ZNF485: variants seen among roughly 807,000 people sequenced by gnomAD.
The protein encoded by ZNF485 is zinc finger protein 485.
Under a neutral mutation model 10.8 loss-of-function variants are expected in ZNF485, and 9 were observed. The observed-to-expected ratio is 0.83, with a 90% CI of 0.50 to 1.45. ZNF485 has a LOEUF of 1.45. Ranked by LOEUF, ZNF485 falls within the 40% of genes most tolerant of loss-of-function variation. ZNF485 has a pLI of 0.00. For synonymous variants in ZNF485, 187 were observed against 181.0 expected, an observed-to-expected ratio of 1.03 and a Z score of -0.27; for missense variants, 487 against 528.0, an observed-to-expected ratio of 0.92 and a Z score of 0.76.
chr10:43,612,708 TCTTA>T (rs1264344140), intron 4 of ZNF485, among the ~76,000 whole-genome samples: 1 of 152,204 alleles, frequency 6.6e-6, no homozygotes, highest in African/African-American at 2.4e-5. Flanking sequence ...TTCCCTGATT[TCTTA>T]CTTTGTCTTT....
At chr10:43,615,731 A>G (rs1035157579) in intron 4 of ZNF485, among the ~76,000 whole-genome samples, 1 of 152,148 alleles carries the variant, frequency 6.6e-6, no homozygotes, top group African/African-American at 2.4e-5. Context: ...ATATGTTAAA[A>G]ATTTAGTTTA....
chr10:43,616,969 A>G lies in ZNF485; in HGVS notation c.926A>G (p.Lys309Arg). The change falls in exon 5 of 5, where the codon AAG (lysine) becomes AGG (arginine). Residue 309 changes from lysine (K) to arginine (R), a missense_variant. Coordinates refer to ENST00000361807, the MANE Select transcript of ZNF485 (RefSeq NM_145312.4). Reference sequence around the variant, plus strand: ...AATGAATGTGGAAAAGCCTTTAGGAAGAGCTCAACTCTTATTAGTCACCAA... The same window carrying G: ...AATGAATGTGGAAAAGCCTTTAGGAGGAGCTCAACTCTTATTAGTCACCAA... The part of the protein sequence containing the change: ...QCNECGKAFR[K>R]SSTLISHQRM... 1 of 1,614,164 alleles carries G rather than the reference A, an allele frequency of 6.2e-7. No individual in the cohort carries two copies. Among genetic ancestry groups the G allele is most frequent in the African/African-American group, 1.3e-5 (1 of 75,066 alleles).
intron 2 of ZNF485, chr10:43,607,488 C>T (rs116556970): frequency 2.9e-4 from 54 of 186,740 alleles, no homozygotes; most frequent in African/African-American, 1.2e-3. Flanking sequence ...TAGGGGAAAG[C>T]GCTGCCTGAA....
rs1838890058 is a variant in ZNF485 at position 43,617,557 on chromosome 10, T to C, written c.*188T>C. ...ATGTATGTCAGTATGGAAGTAGTTATAGCATACTGTGTGCTAATTGAAAAG... is the reference window on the plus strand; with the variant it reads ...ATGTATGTCAGTATGGAAGTAGTTACAGCATACTGTGTGCTAATTGAAAAG... On this transcript the variant is annotated 3_prime_UTR_variant, in exon 5 of 5. Transcript: ENST00000361807. The C allele has an allele frequency of 1.5e-5, 8 of 520,924 alleles. No homozygotes were observed. The highest frequency in any genetic ancestry group is 2.0e-5 in the Non-Finnish European group (6 of 300,138). The allele number at this position is 520,924 out of a possible 1,614,324, so 32.3% of individuals were successfully genotyped here.
At chr10:43,608,775 C>T in intron 3 of ZNF485, 35 bp downstream of exon 3, 2 of 1,603,428 alleles carry the variant, frequency 1.2e-6, no homozygotes, top group Non-Finnish European at 1.7e-6. Context: ...CAGGATTGGT[C>T]TGCTGGGCAA....
chr10:43,613,013 T>G (rs952186727), intron 4 of ZNF485, among the ~76,000 whole-genome samples: 3 of 152,198 alleles, frequency 2.0e-5, no homozygotes, highest in Non-Finnish European at 4.4e-5. Flanking sequence ...GAGCTTTCAT[T>G]ATCATTTTTT....
rs538275932 is a variant in ZNF485, at chr10:43,617,664, C to T, written c.*295C>T. 4.1e-4 allele frequency: 107 copies of T among 258,390 alleles called. 1 individual carries two copies. Among genetic ancestry groups the T allele is most frequent in the South Asian group, 1.9e-3 (19 of 9,910 alleles). 16.0% of individuals were successfully genotyped at this position (258,390 alleles called of 1,614,324 possible). A position where few individuals can be genotyped will look rare whatever the true frequency, so the allele number is the denominator to read the frequency against. On this transcript the variant is annotated 3_prime_UTR_variant, in exon 5 of 5. Transcript: ENST00000361807. ...GTCCCAGTTACTTGGGAGGCTGAGACAGGATTGCTTAAGCCCAGGAGTTTG... is the reference window on the plus strand; with the variant it reads ...GTCCCAGTTACTTGGGAGGCTGAGATAGGATTGCTTAAGCCCAGGAGTTTG...
In ZNF485 at chr10:43,608,263, C is replaced by T. The variant is rs377266372; in HGVS notation, c.25-351C>T. 1.9e-3 allele frequency among the ~76,000 whole-genome samples: 283 copies of T among 152,314 alleles called. 1 individual carries two copies. The highest frequency in any genetic ancestry group is 6.5e-3 in the African/African-American group (272 of 41,566). ...TCACATTAGAGAGGATGCTGACAGT[C>T]AGTGCAAACCTCTCCTGCCAGGTGG... On this transcript the variant is annotated intron_variant, in intron 2 of 4. Coordinates refer to ENST00000361807, the MANE Select transcript of ZNF485 (RefSeq NM_145312.4).
chr10:43,611,670 T>C (rs1240200263), intron 4 of ZNF485, among the ~76,000 whole-genome samples: 1 of 152,244 alleles, frequency 6.6e-6, no homozygotes, highest in Non-Finnish European at 1.5e-5. Context: ...CAGTGTCTTA[T>C]ATGCTTTGAT....
chr10:43,611,530 C>G (rs956335674), intron 4 of ZNF485, among the ~76,000 whole-genome samples: 6 of 152,124 alleles, frequency 3.9e-5, no homozygotes, highest in African/African-American at 1.4e-4. Flanking sequence ...GAATAAATTC[C>G]TATAAGAATT....
Position 43,616,805 on chromosome 10 carries a change from T to G in ZNF485, c.762T>G (p.Asn254Lys), listed in dbSNP as rs1838868786. ...CNDCGKAFAQ[N>K]AALTRHERIH... ...ACTGTGGGAAAGCCTTCGCTCAGAA[T>G]GCAGCTCTTACTCGTCATGAAAGAA... The change falls in exon 5 of 5, where the codon AAT (asparagine) becomes AAG (lysine). Residue 254 changes from asparagine to lysine, a missense_variant. Physicochemically the swap from Asn to Lys is moderately conservative, Grantham distance 94. Coordinates refer to ENST00000361807, the MANE Select transcript of ZNF485 (RefSeq NM_145312.4). 8.7e-6 allele frequency: 14 copies of G among 1,613,956 alleles called. No homozygotes were observed. The highest frequency in any genetic ancestry group is 1.2e-5 in the Non-Finnish European group (14 of 1,179,976).
chr10:43,613,315 T>G (rs1017766039), intron 4 of ZNF485, among the ~76,000 whole-genome samples: 1 of 152,274 alleles, frequency 6.6e-6, no homozygotes, highest in Non-Finnish European at 1.5e-5. Flanking sequence ...TGCCTGTTTT[T>G]AACTTCATGT....
chr10:43,613,230 C>T (rs182887097), intron 4 of ZNF485, among the ~76,000 whole-genome samples: 17 of 152,306 alleles, frequency 1.1e-4, no homozygotes, highest in South Asian at 4.1e-4. Context: ...TGGCAATACC[C>T]GAGTAAATCA....
Position 43,617,267 on chromosome 10 carries a change from A to G in ZNF485, c.1224A>G (p.Lys408=), listed in dbSNP as rs778725541. The G allele has an allele frequency of 3.7e-6, 6 of 1,612,954 alleles. No individual in the cohort carries two copies. The South Asian group carries it at 5.5e-5, about 15-fold the overall frequency. Residue 408 remains lysine (K), a synonymous_variant, in exon 5 of 5, where the codon AAA becomes AAG. Coordinates refer to ENST00000361807, the MANE Select transcript of ZNF485 (RefSeq NM_145312.4). ...ATCAGAGACTCCATACTGGGGAAAA[A>G]CCTTATAAATGTAATGAATGTGGGA... The part of the protein sequence containing the change: ...VEHQRLHTGE[K]PYKCNECGKA...
At chr10:43,606,776 G>A (rs1838655257) in intron 1 of ZNF485, among the ~76,000 whole-genome samples, 1 of 152,234 alleles carries the variant, frequency 6.6e-6, no homozygotes. Flanking sequence ...CCACTGACAA[G>A]GCCGTCCCCC....
chr10:43,617,258 T>A lies in ZNF485; in HGVS notation c.1215T>A (p.Thr405=), dbSNP rs374674882. The change falls in exon 5 of 5, where the codon ACT becomes ACA. Residue 405 remains threonine, a synonymous_variant. Coordinates refer to ENST00000361807, the MANE Select transcript of ZNF485 (RefSeq NM_145312.4). ...SGLVEHQRLH[T]GEKPYKCNEC... ...TTGTTGAACATCAGAGACTCCATAC[T>A]GGGGAAAAACCTTATAAATGTAATG... 4.3e-6 allele frequency: 7 copies of A among 1,613,960 alleles called. No homozygotes were observed. Among genetic ancestry groups the A allele is most frequent in the Non-Finnish European group, 5.9e-6 (7 of 1,179,942 alleles).
Position 43,616,721 on chromosome 10 carries a change from C to G in ZNF485, c.678C>G (p.Asn226Lys). ...AATGTGGAAAAACTTTCAGAAAGAACTCAATCCTTTTAAGTCATCAGAGAA... is the reference window on the plus strand; with the variant it reads ...AATGTGGAAAAACTTTCAGAAAGAAGTCAATCCTTTTAAGTCATCAGAGAA... ...CIECGKTFRK[N>K]SILLSHQRIH... The change falls in exon 5 of 5, where the codon AAC becomes AAG. Residue 226 changes from asparagine to lysine, a missense_variant. Asn to Lys is a moderately conservative substitution (Grantham distance 94). Transcript: ENST00000361807. The G allele has an allele frequency of 6.2e-7, 1 of 1,614,120 alleles. No individual in the cohort carries two copies. The highest frequency in any genetic ancestry group is 8.5e-7 in the Non-Finnish European group (1 of 1,180,038).
intron 4 of ZNF485, among the ~76,000 whole-genome samples, chr10:43,611,486 C>T (rs1389172274): frequency 6.6e-6 from 1 of 152,140 alleles, no homozygotes; most frequent in African/African-American, 2.4e-5. Context: ...TATCCTCATA[C>T]ACATCAATTC....
chr10:43,612,073 TCA>T (rs1273803900), intron 4 of ZNF485, among the ~76,000 whole-genome samples: 1 of 152,256 alleles, frequency 6.6e-6, no homozygotes, highest in Non-Finnish European at 1.5e-5. Flanking sequence ...AGTATTTCAT[TCA>T]CATGTTTTGT....
Sources: gnomAD v4.1 joint callset for allele counts (sites outside exome capture counted in the v4.1 genomes callset) on GRCh38, gnomAD v4.1.1 for gene constraint, MANE v1.5 for transcripts, NCBI Gene and HGNC (gene_info 2026-07-23, HGNC 2026-07-21) for gene names.